The following SLF1 variants were observed in gnomAD, a reference collection of about 807,000 sequenced individuals.
SLF1 encodes SMC5-SMC6 complex localization factor protein 1.
SLF1 carries 105 observed loss-of-function variants against 123.0 expected under a neutral mutation model. The ratio of observed to expected loss-of-function variants is 0.85; its 90% confidence interval spans 0.73 to 1.00. The LOEUF is 1.00. SLF1 is among the 50% of genes least tolerant of loss of function. The pLI is 0.00. For synonymous variants in SLF1, 434 were observed against 406.6 expected (o/e 1.07, Z -0.81); for missense variants, 1,239 against 1,223.0 (o/e 1.01, Z -0.20).
chr5:94,630,615 A>G lies in SLF1; in HGVS notation c.303A>G (p.Ser101=), dbSNP rs1329630860. The G allele has an allele frequency of 6.4e-7, 1 of 1,551,578 alleles. No individual in the cohort carries two copies. Among genetic ancestry groups the G allele is most frequent in the Non-Finnish European group, 8.7e-7 (1 of 1,146,996 alleles). Residue 101 remains serine, a synonymous_variant, in exon 4 of 21, where the codon TCA becomes TCG. Transcript: ENST00000265140. ...GYKIEKDSRY[S]PQMQSAPKRW... The stretch of plus-strand genomic sequence containing the variant: ...AAATTGAAAAAGATTCCCGTTATTC[A>G]CCTCAAATGCAATCTGCACCTAAAA...
chr5:94,686,952 A>G (rs1752501874), intron 16 of SLF1, among the ~76,000 whole-genome samples: 1 of 151,832 alleles, frequency 6.6e-6, no homozygotes, highest in Non-Finnish European at 1.5e-5. Flanking sequence ...ATACCCAGCT[A>G]ATTTTTTTGT....
At chr5:94,694,807 A>G (rs1753408327) in intron 20 of SLF1, 24 bp from the exon 21 acceptor site, 2 of 1,525,656 alleles carry the variant, frequency 1.3e-6, no homozygotes, top group African/African-American at 1.4e-5. Flanking sequence ...TTTACTTGCA[A>G]CATTTTGCAT....
rs748801147 is a variant in SLF1 at position 94,694,946 on chromosome 5, G to A, written c.2811G>A (p.Glu937=). Residue 937 remains glutamate, a synonymous_variant, in exon 21 of 21, where the codon GAG becomes GAA. Transcript: ENST00000265140. ...FAITKIEDTV[E]NFHAQAEKHF... The stretch of plus-strand genomic sequence containing the variant: ...TTACAAAAATAGAAGATACAGTGGA[G>A]AACTTTCATGCACAAGCAGAGAAAC... The A allele has an allele frequency of 1.2e-6, 2 of 1,612,538 alleles. No individual in the cohort carries two copies. Among genetic ancestry groups the A allele is most frequent in the Non-Finnish European group, 1.7e-6 (2 of 1,179,094 alleles).
chr5:94,692,874 T>G (rs1202842471), intron 20 of SLF1, among the ~76,000 whole-genome samples: 1 of 152,202 alleles, frequency 6.6e-6, no homozygotes, highest in African/African-American at 2.4e-5. Context: ...TGATCTTTGC[T>G]TTCAGCAAGG....
At chr5:94,667,904 A>G (rs987262058) in intron 12 of SLF1, among the ~76,000 whole-genome samples, 2 of 152,004 alleles carry the variant, frequency 1.3e-5, no homozygotes, top group Non-Finnish European at 2.9e-5. Flanking sequence ...ATGTGCTCCC[A>G]CGCCTGGCTA....
At chr5:94,693,000 A>C (rs1039113364) in intron 20 of SLF1, among the ~76,000 whole-genome samples, 2 of 152,198 alleles carry the variant, frequency 1.3e-5, no homozygotes, top group African/African-American at 2.4e-5. Context: ...ACTGATGACC[A>C]GCTTAGAATA....
intron 14 of SLF1, among the ~76,000 whole-genome samples, chr5:94,674,388 A>G (rs1750810934): frequency 1.3e-5 from 2 of 152,192 alleles, no homozygotes; most frequent in Admixed American, 1.3e-4. Flanking sequence ...TCTGCAATAA[A>G]TTGTAGCATT....
intron 1 of SLF1, among the ~76,000 whole-genome samples, chr5:94,623,313 G>T (rs906080648): frequency 6.6e-6 from 1 of 151,892 alleles, no homozygotes; most frequent in African/African-American, 2.4e-5. Context: ...TGTCTCCTTA[G>T]TTGTATTTTA....
chr5:94,678,624 G>A, intron 14 of SLF1, 184 bp from the exon 15 acceptor site: 3 of 402,392 alleles, frequency 7.5e-6, no homozygotes, highest in Non-Finnish European at 1.3e-5. Flanking sequence ...TTGTCATGTG[G>A]AGAGAGAGAG....
intron 8 of SLF1, 102 bp downstream of exon 8, chr5:94,653,523 A>G (rs759479701): frequency 4.2e-5 from 44 of 1,045,396 alleles, no homozygotes; most frequent in Non-Finnish European, 5.2e-5. Flanking sequence ...AAAAATCTTG[A>G]GTCAATCTGG....
intron 13 of SLF1, 137 bp from the exon 14 acceptor site, chr5:94,670,706 A>G: frequency 1.5e-6 from 1 of 648,904 alleles, no homozygotes; most frequent in Non-Finnish European, 2.6e-6. Flanking sequence ...TTTGTCCTTT[A>G]TTATAATTGT....
intron 5 of SLF1, among the ~76,000 whole-genome samples, chr5:94,647,150 A>G (rs1264629162): frequency 6.6e-6 from 1 of 152,162 alleles, no homozygotes; most frequent in Non-Finnish European, 1.5e-5. Flanking sequence ...CATTTTGAGT[A>G]TTATTAGATT....
intron 1 of SLF1, among the ~76,000 whole-genome samples, chr5:94,627,516 AT>A (rs898859176): frequency 1.3e-5 from 2 of 148,654 alleles, no homozygotes; most frequent in Admixed American, 6.8e-5. Flanking sequence ...ATAAACTTAG[AT>A]TTTTTTTAAA....
chr5:94,667,905 C>A (rs1309494939), intron 12 of SLF1, among the ~76,000 whole-genome samples: 1 of 151,934 alleles, frequency 6.6e-6, no homozygotes, highest in Non-Finnish European at 1.5e-5. Flanking sequence ...TGTGCTCCCA[C>A]GCCTGGCTAG....
chr5:94,686,847 GC>G (rs1752486243), intron 16 of SLF1, 129 bp downstream of exon 16: 5 of 1,080,160 alleles, frequency 4.6e-6, no homozygotes, highest in Non-Finnish European at 5.1e-6. Context: ...GAGTGCAGTG[GC>G]GCAATCGCGG....
chr5:94,630,739 A>G lies in SLF1; in HGVS notation c.427A>G (p.Ile143Val), dbSNP rs1231444146. The G allele has an allele frequency of 5.2e-6, 8 of 1,550,908 alleles. No homozygotes were observed. The highest frequency in any genetic ancestry group is 2.0e-5 in the Admixed American group (1 of 50,970). ...VRTDKRSDSL[I>V]RVLEAGKANV... Reference sequence around the variant, plus strand: ...AACTGATAAGCGAAGTGATTCTCTTATAAGGTAGGATGTGATTACATAAAA... The same window carrying G: ...AACTGATAAGCGAAGTGATTCTCTTGTAAGGTAGGATGTGATTACATAAAA... The change falls in exon 4 of 21, where the codon ATA becomes GTA. Residue 143 changes from isoleucine (I) to valine (V), a missense_variant. Coordinates refer to ENST00000265140, the MANE Select transcript of SLF1 (RefSeq NM_032290.4).
chr5:94,692,001 G>A (rs1448970603), intron 19 of SLF1, 73 bp from the exon 20 acceptor site: 18 of 1,451,752 alleles, frequency 1.2e-5, no homozygotes, highest in Non-Finnish European at 1.7e-5. Context: ...GATGAGAAAA[G>A]TAGAACATCA....
rs1390255701 is a variant in SLF1 at position 94,670,998 on chromosome 5, A to T, written c.1817A>T (p.Lys606Met). 1 of 1,536,408 alleles carries T rather than the reference A, an allele frequency of 6.5e-7. No individual in the cohort carries two copies. ...ATATATTCTCACAAGGAAAAATTCA[A>T]GTCTAATGATGTAAGTAGGATTAAT... ...WTIYSHKEKFKSNDVFKHELA... is the reference protein window; with the variant it reads ...WTIYSHKEKFMSNDVFKHELA... Residue 606 changes from lysine to methionine, a missense_variant, in exon 14 of 21, where the codon AAG (lysine) becomes ATG (methionine). Transcript: ENST00000265140.
At chr5:94,665,713 A>G in intron 11 of SLF1, 148 bp from the exon 12 acceptor site, 2 of 681,040 alleles carry the variant, frequency 2.9e-6, no homozygotes, top group Non-Finnish European at 4.7e-6. Flanking sequence ...AGATCGTGCC[A>G]CTGCACTCCA....
Sources: allele counts gnomAD v4.1 joint callset (sites outside exome capture counted in the v4.1 genomes callset), GRCh38; gene constraint gnomAD v4.1.1; transcripts MANE v1.5; gene names NCBI Gene and HGNC (gene_info 2026-07-23, HGNC 2026-07-21).